Variants in SP140 observed in about 807,000 individuals in gnomAD.
SP140 encodes the protein SP140 nuclear body protein.
A neutral mutation model predicts 125.0 loss-of-function variants in SP140; 81 were observed. The observed-to-expected ratio is 0.65, with a 90% CI of 0.54 to 0.78. The LOEUF is 0.78. SP140 is among the 30% of genes least tolerant of loss of function. SP140 has a pLI of 0.00. For synonymous variants in SP140, 312 were observed against 354.0 expected (o/e 0.88, Z 1.33); for missense variants, 858 against 1,037.0 (o/e 0.83, Z 2.37).
At position 230,215,088 on chromosome 2, in the gene SP140, G is replaced by T. The variant is rs2044957058; in HGVS notation, c.-91+1014G>T. 5.0e-6 allele frequency: 8 copies of T among 1,613,808 alleles called. No individual in the cohort carries two copies. The highest frequency in any genetic ancestry group is 6.8e-6 in the Non-Finnish European group (8 of 1,179,740). On this transcript the variant is annotated intron_variant, in intron 3 of 4. Coordinates refer to the SP140 transcript ENST00000456542. ...ATGTTGTGCACCACTCTGGATACAG[G>T]GATCAAATTTCTACAGGCTTCCAGA...
downstream of SP140, among the ~76,000 whole-genome samples, chr2:230,314,973 C>G (rs905530915): frequency 1.3e-5 from 2 of 152,230 alleles, no homozygotes; most frequent in African/African-American, 4.8e-5. Context: ...AGTAATTTCC[C>G]TAAGGGGCAT....
chr2:230,241,267 A>G (rs2048687792), intron 3 of SP140, 137 bp from the exon 4 acceptor site: 3 of 658,254 alleles, frequency 4.6e-6, no homozygotes, highest in Admixed American at 2.8e-5. Context: ...TCTCAATGAA[A>G]AAAAGGGGAA....
At chr2:230,257,709 G>C (rs961738621) in intron 12 of SP140, among the ~76,000 whole-genome samples, 1 of 152,216 alleles carries the variant, frequency 6.6e-6, no homozygotes, top group Non-Finnish European at 1.5e-5. Flanking sequence ...GGAGGTTGCA[G>C]TCAGCTGAGA....
intron 22 of SP140, among the ~76,000 whole-genome samples, chr2:230,309,232 G>A (rs1458310055): frequency 6.6e-6 from 1 of 152,186 alleles, no homozygotes; most frequent in Non-Finnish European, 1.5e-5. Flanking sequence ...ACTGTATGGT[G>A]CTGTTACCAT....
intron 22 of SP140, among the ~76,000 whole-genome samples, chr2:230,305,797 C>T (rs1263317356): frequency 2.0e-5 from 3 of 152,248 alleles, no homozygotes; most frequent in Non-Finnish European, 4.4e-5. Context: ...GCGCCAGGTT[C>T]CCGCCCCTCA....
At chr2:230,250,890 G>A in intron 9 of SP140, 91 bp from the exon 10 acceptor site, 2 of 1,445,082 alleles carry the variant, frequency 1.4e-6, no homozygotes, top group South Asian at 2.4e-5. Flanking sequence ...CTGGGTGATG[G>A]ACAGCCCCAC....
At chr2:230,294,163 C>T (rs1427331030) in intron 20 of SP140, 108 bp from the exon 21 acceptor site, 1 of 819,592 alleles carries the variant, frequency 1.2e-6, no homozygotes, top group African/African-American at 1.7e-5. Context: ...TGGATTTGAG[C>T]TGGCAGTGGA....
chr2:230,198,601 T>G (rs1300910613), upstream of SP140, among the ~76,000 whole-genome samples: 1 of 152,122 alleles, frequency 6.6e-6, no homozygotes, highest in Non-Finnish European at 1.5e-5. Context: ...ATAGAATTTT[T>G]TTTTCTTTTT....
At chr2:230,212,230 T>G (rs770174765) in intron 1 of SP140, 4 of 774,868 alleles carry the variant, frequency 5.2e-6, no homozygotes, top group Non-Finnish European at 9.0e-6. Context: ...TTTCTTTTCC[T>G]TTGTATTGCT....
chr2:230,315,986 C>G (rs1245565303), downstream of SP140, among the ~76,000 whole-genome samples: 1 of 152,180 alleles, frequency 6.6e-6, no homozygotes, highest in South Asian at 2.1e-4. Flanking sequence ...AAGGATTCAG[C>G]AGGATGTAGG....
At chr2:230,231,032 G>C (rs1473136922) in intron 1 of SP140, among the ~76,000 whole-genome samples, 7 of 151,980 alleles carry the variant, frequency 4.6e-5, no homozygotes, top group Admixed American at 4.6e-4. Flanking sequence ...GCCATGTCCA[G>C]GCTACTGATG....
chr2:230,252,607 G>A (rs2050539820), intron 10 of SP140, among the ~76,000 whole-genome samples: 1 of 152,188 alleles, frequency 6.6e-6, no homozygotes, highest in Non-Finnish European at 1.5e-5. Flanking sequence ...GTTTCTGACA[G>A]TCTCTATCAG....
intron 12 of SP140, among the ~76,000 whole-genome samples, chr2:230,267,305 A>T (rs1411099670): frequency 2.0e-5 from 3 of 152,224 alleles, no homozygotes; most frequent in African/African-American, 7.2e-5. Context: ...TCAACTATAC[A>T]TAGATCATGT....
rs1018663123 is a variant in SP140 at position 230,247,939 on chromosome 2, G to A, written c.766G>A (p.Asp256Asn). The A allele has an allele frequency of 3.9e-5, 63 of 1,613,636 alleles. No homozygotes were observed. Among genetic ancestry groups the A allele is most frequent in the Non-Finnish European group, 5.2e-5 (61 of 1,179,814 alleles). The change falls in exon 8 of 27, where the codon GAT becomes AAT. Residue 256 changes from aspartate (D) to asparagine (N), a missense_variant. Around this residue, in one of 4 missense-constraint regions of SP140, gnomAD observed 791 missense variants for 869.5 expected, o/e 0.91. Coordinates refer to ENST00000392045, the MANE Select transcript of SP140 (RefSeq NM_007237.5). ...TEVLESNGMI[D>N]AARTYSTAPG... ...AGTTCTAGAAAGCAACGGGATGATA[G>A]ATGCGGCAAGGACATACAGCACAGC...
upstream of SP140, among the ~76,000 whole-genome samples, chr2:230,224,032 A>G (rs567876317): frequency 1.3e-4 from 20 of 152,300 alleles, no homozygotes; most frequent in African/African-American, 4.3e-4. Flanking sequence ...CTTACCCAGG[A>G]GAGGTTCTGT....
rs765612256 is a variant in SP140, at chr2:230,228,854, CTT to C, written c.59+2952_59+2953del. 5.9e-5 allele frequency among the ~76,000 whole-genome samples: 9 copies of C among 151,996 alleles called. No homozygotes were observed. In the East Asian group the frequency reaches 1.2e-3, roughly 20 times the overall value. ...TGTTTTTTATGTACTCTGTTGATCT[CTT>C]GTCTTTTAATTGGTGTTTTAGACCA... On this transcript the variant is annotated intron_variant, in intron 1 of 26. Coordinates refer to ENST00000392045, the MANE Select transcript of SP140 (RefSeq NM_007237.5).
At chr2:230,202,799 T>C, upstream of SP140, 1 of 1,448,876 alleles carries the variant, frequency 6.9e-7, no homozygotes, top group South Asian at 1.1e-5. Flanking sequence ...TCCCAATCAG[T>C]GACTTCCCTT....
At chr2:230,221,594 G>A (rs2045824829), upstream of SP140, 11 of 1,050,812 alleles carry the variant, frequency 1.0e-5, no homozygotes, top group African/African-American at 1.6e-5. Flanking sequence ...AACAGCTGAG[G>A]AGAGGGTGCA....
Position 230,215,029 on chromosome 2 carries a change from A to C in SP140, c.-91+955A>C, listed in dbSNP as rs202135641. 1.4e-4 allele frequency: 231 copies of C among 1,613,454 alleles called. No homozygotes were observed. The highest frequency in any genetic ancestry group is 1.8e-4 in the Non-Finnish European group (214 of 1,179,426). On this transcript the variant is annotated intron_variant, in intron 3 of 4. Transcript: ENST00000456542. ...TTTGACTGAACAATGTCACCAGAAG[A>C]GACAGGTTAAAAGTCCTCTCCAGTT... is the stretch of plus-strand genomic sequence containing the variant.
Sources: allele counts gnomAD v4.1 joint callset (sites outside exome capture counted in the v4.1 genomes callset), GRCh38; gene constraint gnomAD v4.1.1; regional missense constraint gnomAD v4.1.1; transcripts MANE v1.5; gene names NCBI Gene and HGNC (gene_info 2026-07-23, HGNC 2026-07-21).